The following MCTP1 variants were observed in gnomAD, a reference collection of about 807,000 sequenced individuals.
The protein encoded by MCTP1 is multiple C2 and transmembrane domain-containing protein 1.
Under a neutral mutation model 120.6 loss-of-function variants are expected in MCTP1, and 69 were observed. The ratio of observed to expected loss-of-function variants is 0.57; its 90% confidence interval spans 0.47 to 0.70. The LOEUF (loss-of-function observed/expected upper bound fraction) is 0.70, where lower values mean the gene tolerates loss of function less well. Ranked by LOEUF, MCTP1 falls within the 30% of genes least tolerant of loss-of-function variation. The probability of loss-of-function intolerance (pLI) is 0.00; values close to 1 mark genes in which losing one functional copy is unlikely to be tolerated. For synonymous variants in MCTP1, 529 were observed against 493.1 expected (o/e 1.07, Z -0.96); for missense variants, 1,203 against 1,248.8 (o/e 0.96, Z 0.55).
chr5:95,046,057 T>C (rs1843080525), intron 1 of MCTP1, among the ~76,000 whole-genome samples: 1 of 152,172 alleles, frequency 6.6e-6, no homozygotes, highest in African/African-American at 2.4e-5. Flanking sequence ...TATAACACTA[T>C]AGAAATGTTA....
chr5:95,145,771 T>C (rs331560), intron 1 of MCTP1, among the ~76,000 whole-genome samples: 43,524 of 152,152 alleles, frequency 0.29, 6,706 homozygotes, highest in East Asian at 0.6. Context: ...ACTTTTGATA[T>C]GCTGCTGAAT....
chr5:94,977,897 G>A (rs964034375), intron 2 of MCTP1, among the ~76,000 whole-genome samples: 1 of 152,074 alleles, frequency 6.6e-6, no homozygotes, highest in Non-Finnish European at 1.5e-5. Context: ...GATTGCGTGA[G>A]TATGACACCA....
At chr5:95,201,912 T>C (rs1751102047) in intron 1 of MCTP1, among the ~76,000 whole-genome samples, 1 of 152,230 alleles carries the variant, frequency 6.6e-6, no homozygotes, top group African/African-American at 2.4e-5. Flanking sequence ...AAGGTATTGC[T>C]ACTCTGTGTT....
chr5:95,284,610 C>G lies in MCTP1; in HGVS notation c.-35G>C. The G allele has an allele frequency of 7.4e-7, 1 of 1,354,244 alleles. No individual in the cohort carries two copies. The highest frequency in any genetic ancestry group is 9.5e-7 in the Non-Finnish European group (1 of 1,047,966). The allele number at this position is 1,354,244 out of a possible 1,614,324, so 83.9% of individuals were successfully genotyped here. The stretch of plus-strand genomic sequence containing the variant: ...CCTGCTCCTCCTCTCCCCTCCTCCT[C>G]CTCCTCCTCCTCCTGCTTCTCCTCC... On this transcript the variant is annotated 5_prime_UTR_variant, in exon 1 of 23. Coordinates refer to ENST00000515393, the MANE Select transcript of MCTP1 (RefSeq NM_024717.7). The surrounding 1 kb of genome is among the most constrained non-coding windows in gnomAD (Gnocchi z 5.2).
At chr5:94,879,221 C>A (rs1291721189) in intron 12 of MCTP1, among the ~76,000 whole-genome samples, 1 of 152,020 alleles carries the variant, frequency 6.6e-6, no homozygotes, top group East Asian at 1.9e-4. Flanking sequence ...ATTTGCAAGG[C>A]TTGAATCAAT....
intron 19 of MCTP1, among the ~76,000 whole-genome samples, chr5:94,732,979 T>G (rs971544174): frequency 7.2e-5 from 11 of 152,030 alleles, no homozygotes; most frequent in African/African-American, 9.6e-5. Flanking sequence ...TATTAAAATT[T>G]TATGCCTATA....
At chr5:94,765,250 C>T (rs529014727) in intron 19 of MCTP1, among the ~76,000 whole-genome samples, 32 of 152,120 alleles carry the variant, frequency 2.1e-4, no homozygotes, top group African/African-American at 7.2e-4. Context: ...AAAAGCAGTG[C>T]TACGAGGGCC....
At chr5:94,867,695 C>G (rs970059315) in intron 17 of MCTP1, 2 of 265,528 alleles carry the variant, frequency 7.5e-6, no homozygotes, top group African/African-American at 4.4e-5. Context: ...TTTGGATTTT[C>G]TAGCTCTGCC....
chr5:95,041,327 A>AG (rs1446506258), intron 1 of MCTP1, among the ~76,000 whole-genome samples: 32 of 150,420 alleles, frequency 2.1e-4, no homozygotes, highest in African/African-American at 5.1e-4. Flanking sequence ...AAAAAAAAAA[A>AG]AAAAGAAAAA....
intron 10 of MCTP1, among the ~76,000 whole-genome samples, chr5:94,898,772 G>A (rs565047036): frequency 1.4e-4 from 21 of 152,240 alleles, no homozygotes; most frequent in Non-Finnish European, 2.2e-4. Flanking sequence ...GAAAAGTCCC[G>A]GGTTTGGGAG....
At chr5:94,721,818 C>T (rs890214305) in intron 19 of MCTP1, among the ~76,000 whole-genome samples, 1 of 147,030 alleles carries the variant, frequency 6.8e-6, no homozygotes, top group Non-Finnish European at 1.5e-5. Context: ...TAGTTAATCA[C>T]CCAGTCTTGG....
chr5:94,966,335 T>C (rs142887222), intron 2 of MCTP1, among the ~76,000 whole-genome samples: 1 of 152,330 alleles, frequency 6.6e-6, no homozygotes, highest in African/African-American at 2.4e-5. Flanking sequence ...TAAGCAATTG[T>C]TGCAATACTA....
intron 1 of MCTP1, among the ~76,000 whole-genome samples, chr5:95,147,097 A>AT (rs894267118): frequency 9.9e-5 from 15 of 151,518 alleles, no homozygotes; most frequent in Admixed American, 1.3e-4. Context: ...TTATTTATTT[A>AT]TTTTTTTAAG....
intron 17 of MCTP1, among the ~76,000 whole-genome samples, chr5:94,819,118 T>TTCATTCATTC (rs1554106078): frequency 1.4e-4 from 20 of 140,734 alleles, no homozygotes; most frequent in South Asian, 6.9e-4. Context: ...TTTATTTATT[T>TTCATTCATTC]ATTCATTCAT....
intron 17 of MCTP1, among the ~76,000 whole-genome samples, chr5:94,859,315 A>G (rs370393774): frequency 6.6e-6 from 1 of 151,704 alleles, no homozygotes; most frequent in African/African-American, 2.4e-5. Flanking sequence ...AGTGGGGGAC[A>G]GGGTAGAGCC....
At chr5:95,214,686 T>C (rs538203645) in intron 1 of MCTP1, among the ~76,000 whole-genome samples, 7 of 152,082 alleles carry the variant, frequency 4.6e-5, no homozygotes, top group Non-Finnish European at 1.0e-4. Flanking sequence ...TATGCAGCCA[T>C]AGAAAATGAT....
rs1036984960 is a variant in MCTP1, at chr5:95,283,883, C to T, written c.693G>A (p.Glu231=). The change falls in exon 1 of 23, where the codon GAG becomes GAA. Residue 231 remains glutamate (E), a synonymous_variant. Transcript: ENST00000515393. ...GGCTGCTGCCGTGCTCCTCGCCCGTCTCCGGGGCCCGAGACTCCGCGGGAC... is the reference window on the plus strand; with the variant it reads ...GGCTGCTGCCGTGCTCCTCGCCCGTTTCCGGGGCCCGAGACTCCGCGGGAC... ...ARSPAESRAP[E]TGEEHGSSQK... 7.2e-7 allele frequency: 1 copy of T among 1,379,958 alleles called. No homozygotes were observed. Among genetic ancestry groups the T allele is most frequent in the Non-Finnish European group, 9.3e-7 (1 of 1,076,288 alleles). The allele number at this position is 1,379,958 out of a possible 1,614,324, so 85.5% of individuals were successfully genotyped here.
At chr5:95,069,752 G>A (rs1413797968) in intron 1 of MCTP1, among the ~76,000 whole-genome samples, 1 of 149,254 alleles carries the variant, frequency 6.7e-6, no homozygotes, top group Non-Finnish European at 1.5e-5. Flanking sequence ...AGGCTGGAGT[G>A]CAGTGGTGCA....
At chr5:94,907,490 T>C (rs1807225019) in intron 10 of MCTP1, among the ~76,000 whole-genome samples, 1 of 152,182 alleles carries the variant, frequency 6.6e-6, no homozygotes, top group Admixed American at 6.5e-5. Context: ...GAAAATAGAC[T>C]TCTCTTTTTC....
Sources: gnomAD v4.1 joint callset for allele counts (sites outside exome capture counted in the v4.1 genomes callset) on GRCh38, gnomAD v4.1.1 for gene constraint, Gnocchi (gnomAD v3.1) non-coding constraint, MANE v1.5 for transcripts, NCBI Gene and HGNC (gene_info 2026-07-23, HGNC 2026-07-21) for gene names.